The following FOXL3 variants were observed in gnomAD, a reference collection of about 807,000 sequenced individuals.
The protein encoded by FOXL3 is forkhead box protein L3.
In FOXL3, 16 loss-of-function variants were observed where a neutral mutation model predicts 10.9. The ratio of observed to expected loss-of-function variants is 1.46; its 90% CI spans 0.99 to 2.22. FOXL3 has a LOEUF of 2.22. Ranked by LOEUF, FOXL3 falls within the 30% of genes most tolerant of loss-of-function variation. The pLI is 0.00. For synonymous variants in FOXL3, 170 were observed against 152.0 expected, an observed-to-expected ratio of 1.12 and a Z score of -0.87; for missense variants, 400 against 337.9, an observed-to-expected ratio of 1.18 and a Z score of -1.44.
chr7:290,940 C>A, intron 2 of FOXL3, 119 bp downstream of exon 2: 3 of 1,276,932 alleles, frequency 2.3e-6, no homozygotes, highest in Non-Finnish European at 3.0e-6. Context: ...CCTCAGCCCA[C>A]GGGGCCGCCT....
intron 1 of FOXL3, 37 bp from the exon 2 acceptor site, chr7:290,616 C>T (rs1179402659): frequency 6.4e-6 from 9 of 1,414,268 alleles, no homozygotes; most frequent in Non-Finnish European, 8.3e-6. Context: ...CGGGGGGCTG[C>T]CCGGTGGAGA....
chr7:290,394 G>C (rs542079323), intron 1 of FOXL3, 118 bp downstream of exon 1: 2 of 920,060 alleles, frequency 2.2e-6, no homozygotes, highest in African/African-American at 3.3e-5. Flanking sequence ...TCTCTCCGGC[G>C]GCGGAGCTCA....
Position 291,340 on chromosome 7 carries a change from G to A in FOXL3, c.554G>A (p.Gly185Glu). ...CCCCCCGCCAGCCCCGCTCCCCCGGGGAAGGAGCACCCCCGGGACCTCAAG... is the reference window on the plus strand; with the variant it reads ...CCCCCCGCCAGCCCCGCTCCCCCGGAGAAGGAGCACCCCCGGGACCTCAAG... ...REPPASPAPP[G>E]KEHPRDLKFS... is the part of the protein sequence containing the mutation. The change falls in exon 3 of 3, where the codon GGG (glycine) becomes GAG (glutamate). Residue 185 changes from glycine to glutamate, a missense_variant. Transcript: ENST00000506382. 2 of 1,284,332 alleles carry A rather than the reference G, an allele frequency of 1.6e-6. No homozygotes were observed. The highest frequency in any genetic ancestry group is 2.7e-5 in the South Asian group (1 of 37,520). The allele number at this position is 1,284,332 out of a possible 1,614,324, so 79.6% of individuals were successfully genotyped here. A position where few individuals can be genotyped will look rare whatever the true frequency, so the allele number is the denominator to read the frequency against.
chr7:291,026 G>C lies in FOXL3; in HGVS notation c.277-37G>C, dbSNP rs903982127. 3.2e-4 allele frequency: 427 copies of C among 1,352,642 alleles called. 2 individuals are homozygous for C. The highest frequency in any genetic ancestry group is 1.9e-4 in the Middle Eastern group (1 of 5,200). The allele number at this position is 1,352,642 out of a possible 1,614,324, so 83.8% of individuals were successfully genotyped here. A position where few individuals can be genotyped will look rare whatever the true frequency, so the allele number is the denominator to read the frequency against. On this transcript the variant is annotated intron_variant, in intron 2 of 2. Coordinates refer to ENST00000506382, the MANE Select transcript of FOXL3 (RefSeq NM_001374838.1). ...ACAAGGCGGGCGGGCGCACCGTGCA[G>C]CGGAGCCGCTCCCAGCCCCTCCCTC...
At chr7:290,533 G>C (rs1027630950) in intron 1 of FOXL3, 120 bp from the exon 2 acceptor site, 1 of 1,063,332 alleles carries the variant, frequency 9.4e-7, no homozygotes, top group South Asian at 1.7e-5. Flanking sequence ...CGAGCTGCGG[G>C]GACACTTTCC....
At chr7:290,387 C>T (rs1025154065) in intron 1 of FOXL3, 111 bp downstream of exon 1, 53 of 943,790 alleles carry the variant, frequency 5.6e-5, no homozygotes, top group Non-Finnish European at 7.9e-5. Flanking sequence ...GCTTTCTTCT[C>T]TCCGGCGGCG....
intron 1 of FOXL3, 28 bp downstream of exon 1, chr7:290,304 TG>T: frequency 6.7e-7 from 1 of 1,500,098 alleles, no homozygotes; most frequent in Non-Finnish European, 9.0e-7. Context: ...GCTGGGGCTT[TG>T]GGGGACAGTG....
chr7:291,249 G>C lies in FOXL3; in HGVS notation c.463G>C (p.Glu155Gln). 1 of 1,171,284 alleles carries C rather than the reference G, an allele frequency of 8.5e-7. No individual in the cohort carries two copies. Among genetic ancestry groups the C allele is most frequent in the Admixed American group, 4.7e-5 (1 of 21,470 alleles). 72.6% of individuals were successfully genotyped at this position (1,171,284 alleles called of 1,614,324 possible). ...GGAQGPSGPS[E>Q]PPAAQGRLAP... ...CGCCCAGGGGCCGTCGGGTCCGTCC[G>C]AGCCGCCCGCCGCTCAGGGGCGCCT... Residue 155 changes from glutamate (E) to glutamine (Q), a missense_variant, in exon 3 of 3, where the codon GAG (glutamate) becomes CAG (glutamine). Transcript: ENST00000506382.
intron 2 of FOXL3, 22 bp downstream of exon 2, chr7:290,843 C>T (rs1447101756): frequency 2.2e-5 from 30 of 1,392,826 alleles, no homozygotes; most frequent in African/African-American, 3.0e-5. Flanking sequence ...CCCCGACGGG[C>T]CCCGGGTGTC....
chr7:291,168 C>A lies in FOXL3; in HGVS notation c.382C>A (p.Arg128=). The change falls in exon 3 of 3, where the codon CGG becomes AGG. Residue 128 remains arginine, a synonymous_variant. Transcript: ENST00000506382. ...CTTCGAGAACGGCAACTACCGGCGGCGGCGGCGGCGGCGCGGCCCCAAGCG... is the reference window on the plus strand; with the variant it reads ...CTTCGAGAACGGCAACTACCGGCGGAGGCGGCGGCGGCGCGGCCCCAAGCG... ...DLFENGNYRR[R]RRRRGPKREG... The A allele has an allele frequency of 7.8e-7, 1 of 1,278,598 alleles. No homozygotes were observed. The allele number at this position is 1,278,598 out of a possible 1,614,324, so 79.2% of individuals were successfully genotyped here.
At position 291,083 on chromosome 7, in the gene FOXL3, C is replaced by G; in HGVS notation, c.297C>G (p.His99Gln). Residue 99 changes from histidine (H) to glutamine (Q), a missense_variant, in exon 3 of 3, where the codon CAC becomes CAG. Physicochemically the swap from His to Gln is conservative, Grantham distance 24. Transcript: ENST00000506382. ...CGCAGGTGCCGCGGTCCGAGGGCCA[C>G]GAGAAGGGCAAAGGCAACTACTGGA... ...CFVKVPRSEGHEKGKGNYWTF... is the reference protein window; with the variant it reads ...CFVKVPRSEGQEKGKGNYWTF... 1.4e-6 allele frequency: 2 copies of G among 1,418,184 alleles called. No homozygotes were observed. Among genetic ancestry groups the G allele is most frequent in the South Asian group, 2.8e-5 (2 of 72,352 alleles). The allele number at this position is 1,418,184 out of a possible 1,614,324, so 87.9% of individuals were successfully genotyped here.
rs182201818 is a variant in FOXL3, at chr7:291,316, C to T, written c.530C>T (p.Pro177Leu). 2.3e-3 allele frequency: 2,861 copies of T among 1,258,350 alleles called. 38 individuals are homozygous for T. The African/African-American group carries it at 0.037, about 16-fold the overall frequency. 77.9% of individuals were successfully genotyped at this position (1,258,350 alleles called of 1,614,324 possible). A position where few individuals can be genotyped will look rare whatever the true frequency, so the allele number is the denominator to read the frequency against. Residue 177 changes from proline to leucine, a missense_variant, in exon 3 of 3, where the codon CCC (proline) becomes CTC (leucine). By Grantham distance (98) the Pro-to-Leu change is moderately conservative. Transcript: ENST00000506382. ...SAGEGAPGRE[P>L]PASPAPPGKE... ...GGCGAGGGCGCCCCGGGCCGTGAGCCCCCCGCCAGCCCCGCTCCCCCGGGG... is the reference window on the plus strand; with the variant it reads ...GGCGAGGGCGCCCCGGGCCGTGAGCTCCCCGCCAGCCCCGCTCCCCCGGGG...
Position 290,692 on chromosome 7 carries a change from C to A in FOXL3, c.147C>A (p.Pro49=). The A allele has an allele frequency of 6.9e-7, 1 of 1,448,538 alleles. No homozygotes were observed. The highest frequency in any genetic ancestry group is 9.0e-7 in the Non-Finnish European group (1 of 1,106,180). 89.7% of individuals were successfully genotyped at this position (1,448,538 alleles called of 1,614,324 possible). The change falls in exon 2 of 3, where the codon CCC becomes CCA. Residue 49 remains proline, a synonymous_variant. Coordinates refer to ENST00000506382, the MANE Select transcript of FOXL3 (RefSeq NM_001374838.1). ...ALIAMAIQQS[P]AGRVTLSGIY... ...TCGCCATGGCCATTCAGCAGAGCCC[C>A]GCGGGGAGGGTGACCCTGTCCGGCA...
chr7:291,075 G>T lies in FOXL3; in HGVS notation c.289G>T (p.Glu97Ter). 1 of 1,413,886 alleles carries T rather than the reference G, an allele frequency of 7.1e-7. No individual in the cohort carries two copies. Among genetic ancestry groups the T allele is most frequent in the East Asian group, 3.2e-5 (1 of 31,634 alleles). 87.6% of individuals were successfully genotyped at this position (1,413,886 alleles called of 1,614,324 possible). The change falls in exon 3 of 3, where the codon GAG becomes TAG. Residue 97 changes from glutamate to a stop codon, truncating the protein, a stop_gained. Coordinates refer to ENST00000506382, the MANE Select transcript of FOXL3 (RefSeq NM_001374838.1). LOFTEE classifies it low-confidence loss of function (END_TRUNC). ...TCCGCGCGCGCAGGTGCCGCGGTCC[G>T]AGGGCCACGAGAAGGGCAAAGGCAA... ...NSCFVKVPRS[E>*]GHEKGKGNYW...
chr7:290,929 T>C, intron 2 of FOXL3, 108 bp downstream of exon 2: 1 of 1,287,832 alleles, frequency 7.8e-7, no homozygotes. Flanking sequence ...GGGAGGTCCG[T>C]CCTCAGCCCA....
rs1180918189 is a variant in FOXL3, at chr7:291,463, T to C, written c.677T>C (p.Val226Ala). ...GGCAGATACCCGCGGCTGGAGAACGTGGGACTCCACTTTTGGACAATGTGA... is the reference window on the plus strand; with the variant it reads ...GGCAGATACCCGCGGCTGGAGAACGCGGGACTCCACTTTTGGACAATGTGA... ...QEGRYPRLEN[V>A]GLHFWTM Residue 226 changes from valine (V) to alanine (A), a missense_variant, in exon 3 of 3, where the codon GTG becomes GCG. By Grantham distance (64) the Val-to-Ala change is moderately conservative. Coordinates refer to ENST00000506382, the MANE Select transcript of FOXL3 (RefSeq NM_001374838.1). 1.1e-5 allele frequency: 14 copies of C among 1,236,830 alleles called. No homozygotes were observed. Among genetic ancestry groups the C allele is most frequent in the Non-Finnish European group, 1.0e-5 (10 of 989,176 alleles). The allele number at this position is 1,236,830 out of a possible 1,614,324, so 76.6% of individuals were successfully genotyped here. A position where few individuals can be genotyped will look rare whatever the true frequency, so the allele number is the denominator to read the frequency against.
Position 290,753 on chromosome 7 carries a change from C to T in FOXL3, c.208C>T (p.Arg70Cys), listed in dbSNP as rs901956641. 1.3e-6 allele frequency: 2 copies of T among 1,494,284 alleles called. No individual in the cohort carries two copies. The highest frequency in any genetic ancestry group is 1.4e-5 in the African/African-American group (1 of 69,878). The allele number at this position is 1,494,284 out of a possible 1,614,324, so 92.6% of individuals were successfully genotyped here. The stretch of plus-strand genomic sequence containing the variant: ...CATCATGCGCAAATTCCCCTATTAC[C>T]GCGCCAACCAGCGCGCCTGGCAGAA... ...DFIMRKFPYY[R>C]ANQRAWQNSI... The change falls in exon 2 of 3, where the codon CGC becomes TGC. Residue 70 changes from arginine (R) to cysteine (C), a missense_variant. Transcript: ENST00000506382.
intron 2 of FOXL3, 48 bp from the exon 3 acceptor site, chr7:291,015 C>T: frequency 1.5e-6 from 2 of 1,331,762 alleles, no homozygotes; most frequent in Non-Finnish European, 1.9e-6. Flanking sequence ...GGCGGGCGGG[C>T]GCACCGTGCA....
Position 290,756 on chromosome 7 carries a change from G to C in FOXL3, c.211G>C (p.Ala71Pro), listed in dbSNP as rs1164087248. 3.4e-6 allele frequency: 5 copies of C among 1,491,746 alleles called. No homozygotes were observed. Among genetic ancestry groups the C allele is most frequent in the Non-Finnish European group, 3.6e-6 (4 of 1,125,078 alleles). 92.4% of individuals were successfully genotyped at this position (1,491,746 alleles called of 1,614,324 possible). A position where few individuals can be genotyped will look rare whatever the true frequency, so the allele number is the denominator to read the frequency against. The change falls in exon 2 of 3, where the codon GCC (alanine) becomes CCC (proline). Residue 71 changes from alanine (A) to proline (P), a missense_variant. Ala to Pro is a conservative substitution (Grantham distance 27). Transcript: ENST00000506382. ...CATGCGCAAATTCCCCTATTACCGC[G>C]CCAACCAGCGCGCCTGGCAGAACTC... ...FIMRKFPYYR[A>P]NQRAWQNSIR...
Sources: gnomAD v4.1 joint callset for allele counts on GRCh38, gnomAD v4.1.1 for gene constraint, MANE v1.5 for transcripts, NCBI Gene and HGNC (gene_info 2026-07-23, HGNC 2026-07-21) for gene names.